The following NPC1 variants were observed in gnomAD, a reference collection of about 807,000 sequenced individuals.
NPC1 encodes NPC intracellular cholesterol transporter 1.
Under a neutral mutation model 140.4 loss-of-function variants are expected in NPC1, and 85 were observed. That is an observed-to-expected ratio of 0.61 (90% CI 0.51 to 0.72). The LOEUF (loss-of-function observed/expected upper bound fraction) is 0.72. NPC1 is among the 30% of genes least tolerant of loss of function. NPC1 has a pLI of 0.00. For synonymous variants in NPC1, 656 were observed against 624.8 expected, an observed-to-expected ratio of 1.05 and a Z score of -0.74; for missense variants, 1,504 against 1,623.8, an observed-to-expected ratio of 0.93 and a Z score of 1.27.
intron 8 of NPC1, among the ~76,000 whole-genome samples, 177 bp downstream of exon 8, chr18:23,556,066 A>C (rs1266393484): frequency 3.4e-5 from 5 of 149,094 alleles, no homozygotes; most frequent in African/African-American, 1.3e-4. Flanking sequence ...CATTAAGTTC[A>C]ACATCATTCA....
At chr18:23,538,365 A>G (rs2058663264) in intron 20 of NPC1, among the ~76,000 whole-genome samples, 177 bp downstream of exon 20, 2 of 152,208 alleles carry the variant, frequency 1.3e-5, no homozygotes, top group Non-Finnish European at 2.9e-5. Flanking sequence ...GTTGAACACT[A>G]TGAGGCATTT....
Position 23,533,397 on chromosome 18 carries a change from T to A in NPC1, c.3712A>T (p.Thr1238Ser), listed in dbSNP as rs1311277683. The A allele has an allele frequency of 1.9e-6, 3 of 1,614,060 alleles. No homozygotes were observed. Among genetic ancestry groups the A allele is most frequent in the Non-Finnish European group, 1.7e-6 (2 of 1,180,004 alleles). ...ACAGGGAGAAATATTAATCCGTGAG[T>A]GGCTCCCAGTAAGACCATGGCCAAA... Reference protein sequence around the residue: ...MYLAMVLLGATHGLIFLPVLL... With the variant: ...MYLAMVLLGASHGLIFLPVLL... Residue 1238 changes from threonine to serine, a missense_variant, in exon 24 of 25, where the codon ACT (threonine) becomes TCT (serine). Thr to Ser is a moderately conservative substitution (Grantham distance 58). Transcript: ENST00000269228.
rs766178353 is a variant in NPC1 at position 23,533,472 on chromosome 18, A to C, written c.3637T>G (p.Leu1213Val). 6.8e-6 allele frequency: 11 copies of C among 1,614,134 alleles called. No homozygotes were observed. The highest frequency in any genetic ancestry group is 1.7e-5 in the Admixed American group (1 of 60,010). ...TLTKFGGIVVLAFAKSQIFQI... is the reference protein window; with the variant it reads ...TLTKFGGIVVVAFAKSQIFQI... Reference sequence around the variant, plus strand: ...AAAATTTGAGATTTGGCAAAAGCCAACACCACAATCCCTCCAAATTTTGTA... The same window carrying C: ...AAAATTTGAGATTTGGCAAAAGCCACCACCACAATCCCTCCAAATTTTGTA... Residue 1213 changes from leucine (L) to valine (V), a missense_variant, in exon 24 of 25, where the codon TTG becomes GTG. By Grantham distance (32) the Leu-to-Val change is conservative. Coordinates refer to ENST00000269228, the MANE Select transcript of NPC1 (RefSeq NM_000271.5).
intron 3 of NPC1, among the ~76,000 whole-genome samples, chr18:23,510,870 A>G (rs1278330749): frequency 2.0e-5 from 3 of 152,234 alleles, no homozygotes; most frequent in Non-Finnish European, 4.4e-5. Flanking sequence ...CTTATGCACT[A>G]TTGCTGGGAG....
At chr18:23,509,965 T>G (rs2057807967) in intron 3 of NPC1, among the ~76,000 whole-genome samples, 1 of 149,258 alleles carries the variant, frequency 6.7e-6, no homozygotes, top group Admixed American at 6.7e-5. Flanking sequence ...AGCTTTAGTC[T>G]CTTGCTGGGG....
chr18:23,530,353 T>C (rs755119473), downstream of NPC1: 2 of 1,614,044 alleles, frequency 1.2e-6, no homozygotes, highest in Admixed American at 1.7e-5. Context: ...TCCTGTTGTT[T>C]GCACTGACCT....
downstream of NPC1, chr18:23,530,063 C>G (rs545724734): frequency 1.1e-4 from 177 of 1,614,178 alleles, 2 homozygotes; most frequent in South Asian, 1.7e-3. Context: ...AAACCCTTGT[C>G]CAGCACAACC....
intron 1 of NPC1, chr18:23,582,193 G>C (rs968728652): frequency 6.6e-6 from 1 of 152,134 alleles, no homozygotes; most frequent in African/African-American, 2.4e-5. Context: ...GCCAATTCAT[G>C]TTTATGAAAT....
intron 10 of NPC1, among the ~76,000 whole-genome samples, chr18:23,549,266 G>A (rs1436140267): frequency 6.6e-6 from 1 of 151,228 alleles, no homozygotes; most frequent in East Asian, 2.0e-4. Context: ...GCACAATCAT[G>A]GTTTACTGAA....
intron 1 of NPC1, chr18:23,524,086 A>T: frequency 6.2e-7 from 1 of 1,605,182 alleles, no homozygotes; most frequent in South Asian, 1.1e-5. Context: ...CATTTGCAGC[A>T]TTTTCTGACT....
At chr18:23,520,146 G>T (rs962145255), downstream of NPC1, 6 of 1,354,982 alleles carry the variant, frequency 4.4e-6, no homozygotes, top group Admixed American at 1.0e-4. Flanking sequence ...TGGAATGAAA[G>T]CAACTGGGCA....
At position 23,560,364 on chromosome 18, in the gene NPC1, T is replaced by C; in HGVS notation, c.748A>G (p.Lys250Glu). ...CQDCSIVCGP[K>E]PQPPPPPAPW... ...GCAGGAGGAGGTGGGGGCTGGGGCT[T>C]GGGGCCACAGACAATAGAGCAGTCT... Residue 250 changes from lysine (K) to glutamate (E), a missense_variant, in exon 6 of 25, where the codon AAG becomes GAG. Lys to Glu is a moderately conservative substitution (Grantham distance 56, BLOSUM62 1). Transcript: ENST00000269228. 6.2e-7 allele frequency: 1 copy of C among 1,614,212 alleles called. No homozygotes were observed. Among genetic ancestry groups the C allele is most frequent in the Non-Finnish European group, 8.5e-7 (1 of 1,180,032 alleles).
Position 23,569,446 on chromosome 18 carries a change from C to T in NPC1, c.288-448G>A, listed in dbSNP as rs550804609. On this transcript the variant is annotated intron_variant, in intron 3 of 24. Transcript: ENST00000269228. ...CAAGCAATCCTCCCACCTCAGCCTC[C>T]CAAGTAGCTAGGACTACAGGTGCAC... is the stretch of plus-strand genomic sequence containing the variant. 6.6e-5 allele frequency among the ~76,000 whole-genome samples: 10 copies of T among 152,242 alleles called. No individual in the cohort carries two copies. The South Asian group carries it at 2.1e-3, about 32-fold the overall frequency.
At chr18:23,582,275 C>T (rs2059365927) in intron 1 of NPC1, among the ~76,000 whole-genome samples, 1 of 152,146 alleles carries the variant, frequency 6.6e-6, no homozygotes, top group Non-Finnish European at 1.5e-5. Flanking sequence ...CTCTCAAATC[C>T]TCCAACAGAA....
downstream of NPC1, chr18:23,526,684 T>C (rs1567931450): frequency 5.6e-6 from 9 of 1,613,602 alleles, no homozygotes; most frequent in East Asian, 2.2e-5. Flanking sequence ...AGTAAATCTC[T>C]TACCAGACAA....
chr18:23,506,939 TTAAC>T (rs1169482019), intron 3 of NPC1: 1 of 1,471,106 alleles, frequency 6.8e-7, no homozygotes, highest in African/African-American at 1.4e-5. Context: ...ATTCGGTTAT[TTAAC>T]TACTAACACA....
intron 4 of NPC1, among the ~76,000 whole-genome samples, chr18:23,562,926 T>C (rs1180637010): frequency 6.6e-6 from 1 of 152,226 alleles, no homozygotes; most frequent in Non-Finnish European, 1.5e-5. Flanking sequence ...AACTATATAA[T>C]TTAATGGAGT....
chr18:23,565,133 ATTCT>A (rs1255277818), intron 4 of NPC1, among the ~76,000 whole-genome samples: 4 of 152,074 alleles, frequency 2.6e-5, no homozygotes, highest in African/African-American at 9.7e-5. Flanking sequence ...TTGTTTTACT[ATTCT>A]AAGTCCCTCA....
At chr18:23,516,537 G>T (rs756409120) in intron 3 of NPC1, 213 of 1,039,760 alleles carry the variant, frequency 2.0e-4, no homozygotes, top group Admixed American at 1.6e-4. Flanking sequence ...CACATAAGGA[G>T]GACTCCCCTT....
Sources: gnomAD v4.1 joint callset for allele counts (sites outside exome capture counted in the v4.1 genomes callset) on GRCh38, gnomAD v4.1.1 for gene constraint, MANE v1.5 for transcripts, NCBI Gene and HGNC (gene_info 2026-07-23, HGNC 2026-07-21) for gene names.